Variants in RIMS1 observed in about 807,000 individuals in gnomAD.
The protein encoded by RIMS1 is regulating synaptic membrane exocytosis protein 1.
Under a neutral mutation model 214.1 loss-of-function variants are expected in RIMS1, and 83 were observed. That is an observed-to-expected ratio of 0.39 (90% CI 0.32 to 0.47). The LOEUF (loss-of-function observed/expected upper bound fraction) is 0.47. Ranked by LOEUF, RIMS1 falls within the 20% of genes least tolerant of loss-of-function variation. The probability of loss-of-function intolerance (pLI) is 0.99; values close to 1 mark genes in which losing one functional copy is unlikely to be tolerated. For missense variants in RIMS1, 2,050 were observed against 2,161.8 expected, an observed-to-expected ratio of 0.95 and a Z score of 1.03; for synonymous variants, 793 against 786.8, an observed-to-expected ratio of 1.01 and a Z score of -0.13.
intron 1 of RIMS1, among the ~76,000 whole-genome samples, chr6:71,942,068 TGAG>T (rs1392837221): frequency 2.6e-5 from 4 of 152,170 alleles, no homozygotes; most frequent in African/African-American, 9.7e-5. Flanking sequence ...TTTAGAATGT[TGAG>T]GAGTGACAGT....
At chr6:72,198,089 A>T (rs2051293136) in intron 6 of RIMS1, among the ~76,000 whole-genome samples, 1 of 152,154 alleles carries the variant, frequency 6.6e-6, no homozygotes, top group Non-Finnish European at 1.5e-5. Flanking sequence ...ATAATCCAGT[A>T]GTCCCACTAC....
At chr6:72,114,863 TCTCTA>T (rs1263602220) in intron 4 of RIMS1, among the ~76,000 whole-genome samples, 3 of 151,928 alleles carry the variant, frequency 2.0e-5, no homozygotes, top group African/African-American at 4.8e-5. Context: ...GGCTTTGCAT[TCTCTA>T]CTCTATTCAG....
intron 2 of RIMS1, among the ~76,000 whole-genome samples, chr6:72,092,680 G>A (rs781113433): frequency 7.9e-5 from 12 of 152,176 alleles, no homozygotes; most frequent in African/African-American, 2.9e-4. Context: ...TTGGAGTGAT[G>A]GCTGTGTGAA....
intron 2 of RIMS1, among the ~76,000 whole-genome samples, chr6:72,039,855 T>TA (rs139749920): frequency 0.081 from 12,362 of 151,856 alleles, 548 homozygotes; most frequent in African/African-American, 0.11. Flanking sequence ...TCACTGTACT[T>TA]AAAAAAAATG....
At chr6:71,980,395 C>T (rs1798202583) in intron 2 of RIMS1, among the ~76,000 whole-genome samples, 1 of 152,202 alleles carries the variant, frequency 6.6e-6, no homozygotes, top group Admixed American at 6.6e-5. Flanking sequence ...AAATCTTAAA[C>T]ATTATTAATG....
chr6:72,047,738 C>G (rs1000613202), intron 2 of RIMS1, among the ~76,000 whole-genome samples: 2 of 152,158 alleles, frequency 1.3e-5, no homozygotes, highest in Non-Finnish European at 2.9e-5. Context: ...AAGTTAGTAT[C>G]AATTACATGA....
chr6:72,396,475 C>T (rs937038067), intron 31 of RIMS1, among the ~76,000 whole-genome samples: 1 of 152,052 alleles, frequency 6.6e-6, no homozygotes, highest in Non-Finnish European at 1.5e-5. Context: ...GTGCTGTGAC[C>T]CAGCAATACA....
At chr6:72,385,137 G>A (rs2098564455) in intron 29 of RIMS1, among the ~76,000 whole-genome samples, 1 of 152,102 alleles carries the variant, frequency 6.6e-6, no homozygotes, top group Non-Finnish European at 1.5e-5. Flanking sequence ...TTCAGATGGT[G>A]TTCACAAATC....
Position 72,233,839 on chromosome 6 carries a change from C to G in RIMS1, c.1745C>G (p.Ser582Trp), listed in dbSNP as rs779418222. The G allele has an allele frequency of 6.4e-7, 1 of 1,571,696 alleles. No homozygotes were observed. The highest frequency in any genetic ancestry group is 8.7e-7 in the Non-Finnish European group (1 of 1,155,664). The change falls in exon 7 of 34, where the codon TCG becomes TGG. Residue 582 changes from serine (S) to tryptophan (W), a missense_variant and splice_region_variant. Physicochemically the swap from Ser to Trp is radical, Grantham distance 177. This residue lies in a region of RIMS1 where 882 missense variants were observed against 828.9 expected (regional missense o/e 1.06). Transcript: ENST00000521978. Reference protein sequence around the residue: ...WHSRETSPISSHPVTWQPSKE... With the variant: ...WHSRETSPISWHPVTWQPSKE... ...AGCCGGGAGACATCACCTATTAGTTCGGTAAGTTTTCTGGAAAGTGTGTTT... is the reference window on the plus strand; with the variant it reads ...AGCCGGGAGACATCACCTATTAGTTGGGTAAGTTTTCTGGAAAGTGTGTTT...
intron 1 of RIMS1, among the ~76,000 whole-genome samples, chr6:71,959,555 C>G (rs750014534): frequency 4.0e-5 from 6 of 151,828 alleles, no homozygotes; most frequent in Non-Finnish European, 8.8e-5. Flanking sequence ...GGCAATTATC[C>G]TTACAAATGG....
chr6:71,887,621 G>T (rs1284965710), intron 1 of RIMS1, among the ~76,000 whole-genome samples: 1 of 152,216 alleles, frequency 6.6e-6, no homozygotes, highest in Non-Finnish European at 1.5e-5. Flanking sequence ...TCTTCTTGGA[G>T]TTGTTTAGCT....
At chr6:72,129,648 C>T (rs2040139012) in intron 4 of RIMS1, among the ~76,000 whole-genome samples, 1 of 151,914 alleles carries the variant, frequency 6.6e-6, no homozygotes, top group African/African-American at 2.4e-5. Context: ...CTAGATAAGC[C>T]TTAATCAGTA....
intron 4 of RIMS1, among the ~76,000 whole-genome samples, chr6:72,164,719 G>GTC (rs1019744017): frequency 6.6e-6 from 1 of 152,114 alleles, no homozygotes; most frequent in African/African-American, 2.4e-5. Flanking sequence ...AAACAAACAT[G>GTC]TCTCTCTCAC....
chr6:72,326,005 T>A (rs528919923), intron 28 of RIMS1, among the ~76,000 whole-genome samples: 1 of 151,988 alleles, frequency 6.6e-6, no homozygotes, highest in East Asian at 1.9e-4. Flanking sequence ...TTGTGGTTAG[T>A]AACTTGTGTA....
At chr6:72,129,194 G>A (rs1486481784) in intron 4 of RIMS1, among the ~76,000 whole-genome samples, 2 of 152,050 alleles carry the variant, frequency 1.3e-5, no homozygotes, top group Non-Finnish European at 2.9e-5. Flanking sequence ...TTTACATATG[G>A]TTAAAGAACC....
At chr6:72,110,132 G>A (rs187471289) in intron 4 of RIMS1, among the ~76,000 whole-genome samples, 1,706 of 152,278 alleles carry the variant, frequency 0.011, 11 homozygotes, top group Non-Finnish European at 0.017. Context: ...AAGTCAGGTA[G>A]CATGATGCCT....
intron 6 of RIMS1, among the ~76,000 whole-genome samples, chr6:72,233,471 T>A (rs901131937): frequency 2.0e-4 from 31 of 151,354 alleles, no homozygotes; most frequent in African/African-American, 7.0e-4. Context: ...GGGTATGGAC[T>A]GTCCTTTAAG....
intron 26 of RIMS1, among the ~76,000 whole-genome samples, chr6:72,306,878 T>C (rs1221030156): frequency 6.6e-6 from 1 of 152,240 alleles, no homozygotes; most frequent in African/African-American, 2.4e-5. Flanking sequence ...TGCGATGTGC[T>C]AAGTATGCAT....
chr6:72,083,260 T>G (rs542034851), intron 2 of RIMS1, among the ~76,000 whole-genome samples: 1 of 152,344 alleles, frequency 6.6e-6, no homozygotes, highest in South Asian at 2.1e-4. Context: ...CCAATTTACA[T>G]TTATCAGTGC....
Sources: allele counts gnomAD v4.1 joint callset (sites outside exome capture counted in the v4.1 genomes callset), GRCh38; gene constraint gnomAD v4.1.1; regional missense constraint gnomAD v4.1.1; transcripts MANE v1.5; gene names NCBI Gene and HGNC (gene_info 2026-07-23, HGNC 2026-07-21).